The following ABHD12 variants were observed in gnomAD, a reference collection of about 807,000 sequenced individuals.
ABHD12 encodes abhydrolase domain containing 12, lysophospholipase.
In ABHD12, 43 loss-of-function variants were observed where a neutral mutation model predicts 58.3. The ratio of observed to expected loss-of-function variants is 0.74; its 90% CI spans 0.58 to 0.95. ABHD12 has a LOEUF of 0.95. Ranked by LOEUF, ABHD12 falls within the 40% of genes least tolerant of loss-of-function variation. The pLI, the probability that ABHD12 is intolerant of heterozygous loss-of-function variation, is 0.00. For synonymous variants in ABHD12, 219 were observed against 211.2 expected (o/e 1.04, Z -0.32); for missense variants, 539 against 537.2 (o/e 1.00, Z -0.03).
chr20:25,325,672 G>A (rs1358663071), intron 2 of ABHD12, among the ~76,000 whole-genome samples: 2 of 152,072 alleles, frequency 1.3e-5, no homozygotes, highest in African/African-American at 4.8e-5. Context: ...GGAGGAGCTG[G>A]GCCCACCCAC....
chr20:25,323,193 T>C (rs1034748615), intron 3 of ABHD12, 132 bp downstream of exon 3: 14 of 731,188 alleles, frequency 1.9e-5, no homozygotes, highest in Admixed American at 3.9e-5. Flanking sequence ...CTGAGATCTT[T>C]CCTTTAGGAA....
At chr20:25,309,095 A>G (rs1405737069) in intron 7 of ABHD12, among the ~76,000 whole-genome samples, 3 of 152,164 alleles carry the variant, frequency 2.0e-5, no homozygotes, top group African/African-American at 7.2e-5. Context: ...CTGCCCACAA[A>G]GGGAGTGTGG....
At position 25,301,963 on chromosome 20, in the gene ABHD12, G is replaced by C. The variant is rs1274646489; in HGVS notation, c.1157+256C>G. ...AACATGGCCACCTGTGAGCGTGTGT[G>C]CCCCCCCGTGTGGGTCTGTACATCC... On this transcript the variant is annotated intron_variant, in intron 12 of 12. Coordinates refer to ENST00000339157, the MANE Select transcript of ABHD12 (RefSeq NM_001042472.3). Among the ~76,000 whole-genome samples the C allele has an allele frequency of 7.2e-5, 11 of 152,276 alleles. 1 individual carries two copies. The South Asian group carries it at 2.3e-3, about 32-fold the overall frequency.
chr20:25,294,924 T>C, exon 13 of ABHD12: 2 of 1,474,168 alleles, frequency 1.4e-6, no homozygotes, highest in Non-Finnish European at 1.8e-6. Context: ...TGGGTTAGTT[T>C]TAGTTTTGTC....
At chr20:25,315,523 G>A (rs1163645182) in intron 5 of ABHD12, among the ~76,000 whole-genome samples, 2 of 151,836 alleles carry the variant, frequency 1.3e-5, no homozygotes, top group African/African-American at 4.8e-5. Flanking sequence ...GCTGGGGTGT[G>A]CCCAGAGCAA....
At chr20:25,372,783 T>C (rs1270534909) in intron 1 of ABHD12, among the ~76,000 whole-genome samples, 1 of 152,248 alleles carries the variant, frequency 6.6e-6, no homozygotes, top group Non-Finnish European at 1.5e-5. Flanking sequence ...TACTCACATT[T>C]GTGGTGATGT....
chr20:25,363,756 T>C (rs978254318), intron 1 of ABHD12, among the ~76,000 whole-genome samples: 1 of 151,846 alleles, frequency 6.6e-6, no homozygotes, highest in Non-Finnish European at 1.5e-5. Context: ...TCTCAGATAC[T>C]TGGGAGGCTG....
At chr20:25,383,332 T>C (rs980768620) in intron 1 of ABHD12, among the ~76,000 whole-genome samples, 3 of 152,212 alleles carry the variant, frequency 2.0e-5, no homozygotes, top group African/African-American at 4.8e-5. Context: ...GATCTGGCTA[T>C]GAAACCTCCC....
chr20:25,297,387 T>C (rs2088564450), downstream of ABHD12: 1 of 152,474 alleles, frequency 6.6e-6, no homozygotes, highest in Admixed American at 6.5e-5. Flanking sequence ...GGAGGCCCAT[T>C]TTCTGCCTGG....
intron 2 of ABHD12, 163 bp downstream of exon 2, chr20:25,339,064 C>G (rs1384308331): frequency 1.4e-6 from 2 of 1,391,100 alleles, no homozygotes; most frequent in African/African-American, 2.9e-5. Flanking sequence ...ACCTATCTAT[C>G]TCTAAAGATA....
At chr20:25,332,398 G>A (rs980891691) in intron 2 of ABHD12, among the ~76,000 whole-genome samples, 3 of 151,914 alleles carry the variant, frequency 2.0e-5, no homozygotes, top group Admixed American at 1.3e-4. Flanking sequence ...ACAGATCAAC[G>A]AGACAGAAAG....
chr20:25,341,324 A>G (rs879673790), intron 1 of ABHD12, among the ~76,000 whole-genome samples: 4 of 152,274 alleles, frequency 2.6e-5, no homozygotes, highest in Non-Finnish European at 5.9e-5. Context: ...GGACAAGGCC[A>G]TTGGACTGAC....
chr20:25,318,512 A>G (rs2089004741), intron 4 of ABHD12, among the ~76,000 whole-genome samples: 1 of 152,156 alleles, frequency 6.6e-6, no homozygotes, highest in Admixed American at 6.5e-5. Context: ...CCCGCAGACC[A>G]GCGAAACCCC....
intron 1 of ABHD12, chr20:25,339,587 A>T (rs762211056): frequency 2.7e-6 from 4 of 1,495,092 alleles, no homozygotes; most frequent in East Asian, 5.5e-5. Context: ...TTTTCTTGAA[A>T]GACATAGAAA....
At chr20:25,324,176 C>T (rs770114764) in intron 2 of ABHD12, among the ~76,000 whole-genome samples, 9 of 152,200 alleles carry the variant, frequency 5.9e-5, no homozygotes, top group Non-Finnish European at 1.2e-4. Context: ...CCTGGAGGAA[C>T]CTCCAGGACC....
intron 1 of ABHD12, among the ~76,000 whole-genome samples, chr20:25,362,613 A>G (rs1293982373): frequency 8.1e-6 from 1 of 122,806 alleles, no homozygotes; most frequent in Non-Finnish European, 1.7e-5. Flanking sequence ...GAGGGGAGGG[A>G]AGGACAGGGG....
At chr20:25,357,920 A>C (rs1157047338) in intron 1 of ABHD12, among the ~76,000 whole-genome samples, 1 of 152,108 alleles carries the variant, frequency 6.6e-6, no homozygotes, top group Admixed American at 6.5e-5. Flanking sequence ...CTGAGGTGGG[A>C]GGATTGTTTG....
chr20:25,300,177 C>G (rs1418769445), downstream of ABHD12: 51 of 989,944 alleles, frequency 5.2e-5, no homozygotes, highest in Non-Finnish European at 6.1e-5. Context: ...ATGGAGGAGG[C>G]AACATTGACC....
At chr20:25,377,296 G>A (rs925900748) in intron 1 of ABHD12, among the ~76,000 whole-genome samples, 2 of 152,126 alleles carry the variant, frequency 1.3e-5, no homozygotes, top group African/African-American at 2.4e-5. Context: ...TGGCTCTATT[G>A]GCCAGCAATG....
Sources: allele counts gnomAD v4.1 joint callset (sites outside exome capture counted in the v4.1 genomes callset), GRCh38; gene constraint gnomAD v4.1.1; transcripts MANE v1.5; gene names NCBI Gene and HGNC (gene_info 2026-07-23, HGNC 2026-07-21).